ROBO1: variants seen among roughly 807,000 people sequenced by gnomAD.
The protein encoded by ROBO1 is roundabout homolog 1.
Under a neutral mutation model 195.9 loss-of-function variants are expected in ROBO1, and 149 were observed. The observed-to-expected ratio is 0.76, with a 90% CI of 0.67 to 0.87. The LOEUF is 0.87. ROBO1 is among the 40% of genes least tolerant of loss of function. The probability of loss-of-function intolerance (pLI) is 0.00; values close to 1 mark genes in which losing one functional copy is unlikely to be tolerated. For missense variants in ROBO1, 1,933 were observed against 2,068.3 expected (o/e 0.93, Z 1.27); for synonymous variants, 816 against 733.2 (o/e 1.11, Z -1.82).
chr3:79,665,150 T>C (rs1028803443), intron 1 of ROBO1, among the ~76,000 whole-genome samples: 1 of 151,844 alleles, frequency 6.6e-6, no homozygotes, highest in Non-Finnish European at 1.5e-5. Flanking sequence ...TAATAACACA[T>C]CAGAGGACTA....
intron 2 of ROBO1, among the ~76,000 whole-genome samples, chr3:79,462,335 C>T (rs928201453): frequency 1.3e-5 from 2 of 152,088 alleles, no homozygotes; most frequent in Admixed American, 6.5e-5. Flanking sequence ...ATATGAACTA[C>T]GCTGGATGAT....
At position 78,689,525 on chromosome 3, in the gene ROBO1, G is replaced by GA. The variant is rs773554272; in HGVS notation, c.1046-754dup. 6.0e-3 allele frequency among the ~76,000 whole-genome samples: 852 copies of GA among 142,284 alleles called. 8 individuals carry two copies. Among genetic ancestry groups the GA allele is most frequent in the Admixed American group, 0.023 (330 of 14,214 alleles). The allele number at this position is 142,284 out of a possible 152,430, so 93.3% of individuals were successfully genotyped here. A position where few individuals can be genotyped will look rare whatever the true frequency, so the allele number is the denominator to read the frequency against. ...GGTGTGCTGATGGAGTCACTTCTGG[G>GA]AAAAAAAAAAAAGGTATTTGTTTTT... On this transcript the variant is annotated intron_variant, in intron 8 of 30. Transcript: ENST00000464233.
At chr3:79,033,298 CT>C in intron 3 of ROBO1, among the ~76,000 whole-genome samples, 1 of 152,108 alleles carries the variant, frequency 6.6e-6, no homozygotes, top group East Asian at 1.9e-4. Flanking sequence ...GTGTTTATTT[CT>C]TTAAAGTAAT....
chr3:79,434,370 G>GA lies in ROBO1; in HGVS notation c.88+155453dup, dbSNP rs1037490856. Among the ~76,000 whole-genome samples, 97 of 152,060 alleles carry GA rather than the reference G, an allele frequency of 6.4e-4. 1 individual carries two copies. Among genetic ancestry groups the GA allele is most frequent in the Admixed American group, 1.3e-4 (2 of 15,254 alleles). ...ACAAAGAACTCAAACAAATTCACAA[G>GA]AAAAAAGTAAACAACACCTTCAAAA... On this transcript the variant is annotated intron_variant, in intron 2 of 30. Transcript: ENST00000464233.
chr3:79,473,161 C>T (rs1938373818), intron 2 of ROBO1, among the ~76,000 whole-genome samples: 1 of 152,066 alleles, frequency 6.6e-6, no homozygotes, highest in African/African-American at 2.4e-5. Context: ...AAGCTGGGGC[C>T]TAACTCCAAT....
chr3:79,716,442 T>A (rs779238890), intron 1 of ROBO1, among the ~76,000 whole-genome samples: 3 of 151,940 alleles, frequency 2.0e-5, no homozygotes, highest in Non-Finnish European at 4.4e-5. Context: ...TTTAGTACAG[T>A]AAGGTACCTG....
chr3:78,931,700 T>C (rs1159422351), intron 4 of ROBO1, among the ~76,000 whole-genome samples: 1 of 152,186 alleles, frequency 6.6e-6, no homozygotes, highest in Non-Finnish European at 1.5e-5. Context: ...GTACAGTGGC[T>C]TATGCCTATA....
chr3:78,949,055 G>T (rs1168447762), intron 3 of ROBO1, among the ~76,000 whole-genome samples: 6 of 144,998 alleles, frequency 4.1e-5, no homozygotes, highest in African/African-American at 7.9e-5. Flanking sequence ...TGGGTAGGAA[G>T]AATCAATATC....
At chr3:78,638,398 T>C (rs918901202) in intron 22 of ROBO1, among the ~76,000 whole-genome samples, 14 of 151,836 alleles carry the variant, frequency 9.2e-5, no homozygotes, top group African/African-American at 3.4e-4. Context: ...TAAAATCTGA[T>C]TTTAAATTTC....
intron 3 of ROBO1, among the ~76,000 whole-genome samples, chr3:79,069,873 G>A (rs983833574): frequency 4.6e-5 from 7 of 151,770 alleles, no homozygotes; most frequent in African/African-American, 1.7e-4. Flanking sequence ...ATGACAACTT[G>A]GAGATATTCC....
chr3:79,032,849 C>T (rs2078320388), intron 3 of ROBO1, among the ~76,000 whole-genome samples: 1 of 151,994 alleles, frequency 6.6e-6, no homozygotes. Flanking sequence ...GAAAATCCCT[C>T]CCCTATGAAA....
intron 1 of ROBO1, among the ~76,000 whole-genome samples, chr3:79,644,258 T>C (rs1945751569): frequency 6.6e-6 from 1 of 152,084 alleles, no homozygotes; most frequent in South Asian, 2.1e-4. Context: ...ACAGTAAATG[T>C]AGGGAGTTTC....
intron 2 of ROBO1, among the ~76,000 whole-genome samples, chr3:79,137,008 A>G (rs547320788): frequency 1.6e-4 from 25 of 152,240 alleles, no homozygotes; most frequent in Middle Eastern, 3.4e-3. Flanking sequence ...TTATTTTTAA[A>G]GCAGCAATAT....
At chr3:79,654,651 C>T (rs1326809446) in intron 1 of ROBO1, among the ~76,000 whole-genome samples, 1 of 152,000 alleles carries the variant, frequency 6.6e-6, no homozygotes, top group Non-Finnish European at 1.5e-5. Context: ...CACATTTACA[C>T]ATTTTCAGAC....
chr3:78,652,247 GCTAA>G (rs2107622423), intron 18 of ROBO1, among the ~76,000 whole-genome samples: 1 of 152,198 alleles, frequency 6.6e-6, no homozygotes, highest in African/African-American at 2.4e-5. Context: ...ACAGGACAGT[GCTAA>G]CTGAGAAAAA....
intron 2 of ROBO1, among the ~76,000 whole-genome samples, chr3:79,297,188 T>C (rs1457435603): frequency 6.6e-6 from 1 of 152,182 alleles, no homozygotes; most frequent in East Asian, 1.9e-4. Flanking sequence ...AGGAACTGCA[T>C]AAAGTATAAA....
At chr3:79,083,480 G>A (rs1220573343) in intron 3 of ROBO1, among the ~76,000 whole-genome samples, 1 of 151,954 alleles carries the variant, frequency 6.6e-6, no homozygotes, top group African/African-American at 2.4e-5. Flanking sequence ...TTCCTACTTG[G>A]GAATTGCAAA....
At chr3:79,484,753 A>ATTTTTTTTTTTTTTTTTTTTTTTT (rs1402757273) in intron 2 of ROBO1, among the ~76,000 whole-genome samples, 52 of 17,648 alleles carry the variant, frequency 2.9e-3, no homozygotes, top group South Asian at 5.0e-3. Context: ...TCATTGCACT[A>ATTTTTTTTTTTTTTTTTTTTTTTT]TCTTTTTTTT....
chr3:79,754,912 C>T (rs1440632078), intron 1 of ROBO1, among the ~76,000 whole-genome samples: 1 of 152,062 alleles, frequency 6.6e-6, no homozygotes, highest in Non-Finnish European at 1.5e-5. Flanking sequence ...TGGAGTTTCA[C>T]TCTTGTTGCG....
Sources: gnomAD v4.1 joint callset for allele counts (sites outside exome capture counted in the v4.1 genomes callset) on GRCh38, gnomAD v4.1.1 for gene constraint, MANE v1.5 for transcripts, NCBI Gene and HGNC (gene_info 2026-07-23, HGNC 2026-07-21) for gene names.